TFDP2: variants seen among roughly 807,000 people sequenced by gnomAD.
The protein encoded by TFDP2 is transcription factor Dp-2, also known as transcription factor Dp-2 (E2F dimerization partner 2).
A neutral mutation model predicts 59.3 loss-of-function variants in TFDP2; 17 were observed. The observed-to-expected ratio is 0.29, with a 90% CI of 0.20 to 0.43. The LOEUF (loss-of-function observed/expected upper bound fraction) is 0.43, where lower values mean the gene tolerates loss of function less well. TFDP2 is among the 20% of genes least tolerant of loss of function. TFDP2 has a pLI of 1.00. For synonymous variants in TFDP2, 180 were observed against 194.7 expected (o/e 0.92, Z 0.63); for missense variants, 391 against 528.8 (o/e 0.74, Z 2.56).
chr3:142,039,254 T>A (rs574474989), intron 3 of TFDP2, among the ~76,000 whole-genome samples: 2 of 152,358 alleles, frequency 1.3e-5, no homozygotes, highest in East Asian at 3.9e-4. Context: ...GCCCTATTTT[T>A]TCTTACAGTG....
At chr3:142,034,397 C>A (rs1360591216) in intron 3 of TFDP2, among the ~76,000 whole-genome samples, 1 of 152,000 alleles carries the variant, frequency 6.6e-6, no homozygotes, top group Admixed American at 6.5e-5. Flanking sequence ...CCATGCCTGG[C>A]CTGCACCAAC....
At chr3:142,024,670 A>G (rs1334487871) in intron 3 of TFDP2, among the ~76,000 whole-genome samples, 1 of 152,216 alleles carries the variant, frequency 6.6e-6, no homozygotes, top group Admixed American at 6.5e-5. Flanking sequence ...AAGAGTTCAT[A>G]CATAAAGCAA....
In TFDP2 at chr3:142,016,740, G is replaced by A. The variant is rs1040875122; in HGVS notation, c.83-11196C>T. ...CTAGAAAATTTGCAATTACATAAGT[G>A]GATTACATTATACTAGGAAACCCAA... On this transcript the variant is annotated intron_variant, in intron 3 of 12. Coordinates refer to ENST00000489671, the MANE Select transcript of TFDP2 (RefSeq NM_001178139.2). 3.3e-5 allele frequency among the ~76,000 whole-genome samples: 5 copies of A among 152,222 alleles called. No individual in the cohort carries two copies. The South Asian group carries it at 6.2e-4, about 19-fold the overall frequency.
chr3:142,063,928 C>T (rs2059995285), intron 3 of TFDP2, among the ~76,000 whole-genome samples: 1 of 152,088 alleles, frequency 6.6e-6, no homozygotes, highest in Non-Finnish European at 1.5e-5. Flanking sequence ...ATATACCCTA[C>T]CATATACCAG....
At chr3:142,022,245 A>G in intron 3 of TFDP2, among the ~76,000 whole-genome samples, 1 of 152,312 alleles carries the variant, frequency 6.6e-6, no homozygotes, top group Non-Finnish European at 1.5e-5. Flanking sequence ...TGGACACCTA[A>G]AGATTCAAAA....
At chr3:142,104,351 GT>G (rs139383232) in intron 1 of TFDP2, among the ~76,000 whole-genome samples, 12,961 of 152,196 alleles carry the variant, frequency 0.085, 696 homozygotes, top group Middle Eastern at 0.14. Flanking sequence ...AAGTTAAAAT[GT>G]TAAGTATTGC....
intron 1 of TFDP2, among the ~76,000 whole-genome samples, chr3:142,123,425 C>T (rs1187717247): frequency 1.3e-5 from 2 of 152,154 alleles, no homozygotes; most frequent in Admixed American, 6.5e-5. Flanking sequence ...TGAGCCATCG[C>T]GCCCAGCAAT....
intron 3 of TFDP2, among the ~76,000 whole-genome samples, chr3:142,074,894 A>T (rs183763058): frequency 2.2e-4 from 33 of 152,284 alleles, no homozygotes; most frequent in Admixed American, 2.0e-3. Context: ...GAATGAATTT[A>T]AAAAGTCAAA....
intron 6 of TFDP2, among the ~76,000 whole-genome samples, chr3:141,982,509 C>T (rs993335566): frequency 2.0e-4 from 31 of 152,062 alleles, no homozygotes; most frequent in African/African-American, 7.5e-4. Context: ...TAACTCACTA[C>T]CTTCAGGCCA....
chr3:142,026,581 C>T (rs1001991608), intron 3 of TFDP2, among the ~76,000 whole-genome samples: 2 of 152,098 alleles, frequency 1.3e-5, no homozygotes, highest in Non-Finnish European at 2.9e-5. Context: ...GAATAAGTGC[C>T]TCATATGTGA....
At chr3:141,969,206 CAT>C (rs201477077) in intron 9 of TFDP2, among the ~76,000 whole-genome samples, 5,397 of 57,740 alleles carry the variant, frequency 0.093, 548 homozygotes, top group Non-Finnish European at 0.11. Context: ...ATATATATAA[CAT>C]ATATATATAT....
intron 3 of TFDP2, among the ~76,000 whole-genome samples, chr3:142,018,489 G>A (rs531028433): frequency 4.0e-5 from 6 of 151,754 alleles, no homozygotes; most frequent in African/African-American, 1.5e-4. Flanking sequence ...TAGAGACGGG[G>A]TTTCCTTCTG....
chr3:142,016,092 A>G (rs944243509), intron 3 of TFDP2, among the ~76,000 whole-genome samples: 2 of 151,890 alleles, frequency 1.3e-5, no homozygotes, highest in Non-Finnish European at 2.9e-5. Context: ...GCTCATTGCA[A>G]CCTCCATCTC....
At chr3:142,047,571 A>G (rs1204597454) in intron 3 of TFDP2, among the ~76,000 whole-genome samples, 1 of 151,986 alleles carries the variant, frequency 6.6e-6, no homozygotes, top group Non-Finnish European at 1.5e-5. Context: ...ACTTGAATCT[A>G]TGTTCCCAGG....
At chr3:141,998,478 G>A (rs1255037275) in intron 4 of TFDP2, among the ~76,000 whole-genome samples, 1 of 152,076 alleles carries the variant, frequency 6.6e-6, no homozygotes, top group Non-Finnish European at 1.5e-5. Flanking sequence ...TCAGCTGGGT[G>A]TTGTGGTGCA....
chr3:142,001,453 GC>G (rs1262808136), intron 4 of TFDP2, among the ~76,000 whole-genome samples: 2 of 152,122 alleles, frequency 1.3e-5, no homozygotes, highest in Admixed American at 1.3e-4. Context: ...GGCACTCTGG[GC>G]CTGTGATGGG....
rs750835672 is a variant in TFDP2 at position 142,093,218 on chromosome 3, A to G, written c.16-91T>C. 5 of 708,490 alleles carry G rather than the reference A, an allele frequency of 7.1e-6. No individual in the cohort carries two copies. The East Asian group carries it at 8.5e-5, about 12-fold the overall frequency. 43.9% of individuals were successfully genotyped at this position (708,490 alleles called of 1,614,324 possible). ...ATTTTATATCTTCCATCAGACATCC[A>G]TATCAAATATATATAGCCACATCAA... On this transcript the variant is annotated intron_variant, in intron 2 of 12. Transcript: ENST00000489671.
intron 1 of TFDP2, among the ~76,000 whole-genome samples, chr3:142,128,097 C>CA (rs2062337968): frequency 6.6e-6 from 1 of 152,080 alleles, no homozygotes. Context: ...CCTAGCTACT[C>CA]AGGAGGCTGA....
At chr3:141,992,188 G>A (rs1023252566) in intron 6 of TFDP2, among the ~76,000 whole-genome samples, 1 of 151,918 alleles carries the variant, frequency 6.6e-6, no homozygotes, top group Non-Finnish European at 1.5e-5. Context: ...AAAAATACAT[G>A]TAGCAATCTT....
Sources: gnomAD v4.1 joint callset for allele counts (sites outside exome capture counted in the v4.1 genomes callset) on GRCh38, gnomAD v4.1.1 for gene constraint, MANE v1.5 for transcripts, NCBI Gene and HGNC (gene_info 2026-07-23, HGNC 2026-07-21) for gene names.